The following RBM39 variants were observed in gnomAD, a reference collection of about 807,000 sequenced individuals.
RBM39 encodes RNA binding motif protein 39, also known as RNA-binding protein 39.
In RBM39, 12 loss-of-function variants were observed where a neutral mutation model predicts 79.6. That is an observed-to-expected ratio of 0.15 (90% confidence interval 0.10 to 0.24). The LOEUF (loss-of-function observed/expected upper bound fraction) is 0.24, where lower values mean the gene tolerates loss of function less well. Ranked by LOEUF, RBM39 falls within the 10% of genes least tolerant of loss-of-function variation. The probability of loss-of-function intolerance (pLI) is 1.00; values close to 1 mark genes in which losing one functional copy is unlikely to be tolerated. For synonymous variants in RBM39, 185 were observed against 208.4 expected (o/e 0.89, Z 0.97); for missense variants, 243 against 653.4 (o/e 0.37, Z 6.85).
At chr20:35,728,550 G>A (rs538379218) in intron 6 of RBM39, among the ~76,000 whole-genome samples, 1 of 152,156 alleles carries the variant, frequency 6.6e-6, no homozygotes, top group East Asian at 1.9e-4. Flanking sequence ...AGGCTGAGGA[G>A]GGCAGATCAT....
Position 35,724,551 on chromosome 20 carries a change from TAACC to T in RBM39, c.687+15_687+18del. On this transcript the variant is annotated intron_variant, in intron 8 of 16. Coordinates refer to ENST00000253363, the MANE Select transcript of RBM39 (RefSeq NM_184234.3). ...TCAACACCACCAATAATCAAACTCT[TAACC>T]AACAAAAAAATTACCTGTGATGCCT... The T allele has an allele frequency of 3.1e-6, 5 of 1,612,518 alleles. No individual in the cohort carries two copies. The highest frequency in any genetic ancestry group is 4.2e-6 in the Non-Finnish European group (5 of 1,179,018).
intron 3 of RBM39, among the ~76,000 whole-genome samples, chr20:35,735,931 C>G (rs1415299329): frequency 1.3e-5 from 2 of 152,116 alleles, no homozygotes; most frequent in Non-Finnish European, 2.9e-5. Flanking sequence ...GCTCAGCTTC[C>G]TTGTAAAAGC....
intron 14 of RBM39, 93 bp downstream of exon 14, chr20:35,707,027 T>TAAAGA (rs2035823546): frequency 6.8e-6 from 1 of 147,056 alleles, no homozygotes; most frequent in Non-Finnish European, 1.2e-5. Context: ...AACTCCATCT[T>TAAAGA]AAAAAAAAAA....
intron 1 of RBM39, 135 bp from the exon 2 acceptor site, chr20:35,741,022 A>ACATT: frequency 1.1e-5 from 1 of 91,700 alleles, no homozygotes; most frequent in Non-Finnish European, 2.1e-5. Flanking sequence ...CCGTGAGTAA[A>ACATT]CATTTTTCTT....
chr20:35,736,013 C>T (rs571835863), intron 3 of RBM39, among the ~76,000 whole-genome samples: 5 of 152,130 alleles, frequency 3.3e-5, no homozygotes, highest in African/African-American at 2.4e-5. Flanking sequence ...TGGCAAAAAG[C>T]GACATGAGAC....
At chr20:35,704,852 A>G (rs2035527564) in intron 15 of RBM39, 106 bp from the exon 16 acceptor site, 1 of 893,146 alleles carries the variant, frequency 1.1e-6, no homozygotes, top group African/African-American at 1.7e-5. Flanking sequence ...TATAACCACA[A>G]ACTGGTTTAC....
intron 3 of RBM39, among the ~76,000 whole-genome samples, chr20:35,733,484 C>T (rs1278269817): frequency 2.0e-5 from 3 of 151,970 alleles, no homozygotes; most frequent in Non-Finnish European, 2.9e-5. Flanking sequence ...TGGCACAGGC[C>T]TGTAGTTCCA....
intron 3 of RBM39, among the ~76,000 whole-genome samples, chr20:35,735,306 C>T (rs925377685): frequency 1.9e-4 from 29 of 152,180 alleles, no homozygotes; most frequent in African/African-American, 7.0e-4. Context: ...AGGATGCATA[C>T]CTTGACATAT....
At chr20:35,730,660 A>G (rs1006042023) in intron 4 of RBM39, among the ~76,000 whole-genome samples, 11 of 152,096 alleles carry the variant, frequency 7.2e-5, no homozygotes, top group Non-Finnish European at 1.6e-4. Flanking sequence ...CCCAGCAAAC[A>G]AAGTATCCAT....
intron 12 of RBM39, among the ~76,000 whole-genome samples, 153 bp downstream of exon 12, chr20:35,712,866 G>A (rs1158254803): frequency 6.6e-6 from 1 of 152,096 alleles, no homozygotes; most frequent in Non-Finnish European, 1.5e-5. Context: ...TCTACCCTAT[G>A]TCTCCACTTC....
At chr20:35,719,646 C>T (rs2037648743) in intron 9 of RBM39, among the ~76,000 whole-genome samples, 1 of 152,064 alleles carries the variant, frequency 6.6e-6, no homozygotes, top group Admixed American at 6.6e-5. Context: ...CACTGCACTC[C>T]AGCCTAGGCG....
chr20:35,718,375 C>T (rs2146572298), intron 9 of RBM39, among the ~76,000 whole-genome samples: 1 of 151,962 alleles, frequency 6.6e-6, no homozygotes, highest in South Asian at 2.1e-4. Flanking sequence ...GGAGCATTAG[C>T]TAGCAAAAAG....
At position 35,704,779 on chromosome 20, in the gene RBM39, T is replaced by A. The variant is rs1259355920; in HGVS notation, c.1414-33A>T. On this transcript the variant is annotated intron_variant, in intron 15 of 16. Transcript: ENST00000253363. ...AAAAATGAAAAAAAAGGTAAAGATG[T>A]TGCTGTATGCAAAATGGACCCAAGT... The A allele has an allele frequency of 1.9e-6, 3 of 1,591,932 alleles. No homozygotes were observed. In the Admixed American group the frequency reaches 5.1e-5, roughly 27 times the overall value.
intron 6 of RBM39, among the ~76,000 whole-genome samples, chr20:35,726,050 G>T (rs1277598458): frequency 4.6e-5 from 7 of 152,166 alleles, no homozygotes; most frequent in African/African-American, 1.7e-4. Context: ...AAAAACTAAG[G>T]TTTACTGTTT....
intron 14 of RBM39, 105 bp downstream of exon 14, chr20:35,707,015 G>A (rs182483728): frequency 1.0e-3 from 502 of 494,862 alleles, no homozygotes; most frequent in Admixed American, 1.9e-3. Context: ...CAACAAGAGC[G>A]AAACTCCATC....
chr20:35,709,159 A>C, intron 13 of RBM39, 65 bp downstream of exon 13: 1 of 1,397,672 alleles, frequency 7.2e-7, no homozygotes, highest in Non-Finnish European at 9.8e-7. Flanking sequence ...AATATAGAAA[A>C]CTGTCTTACT....
At chr20:35,717,151 A>G (rs1039793815) in intron 9 of RBM39, among the ~76,000 whole-genome samples, 2 of 152,210 alleles carry the variant, frequency 1.3e-5, no homozygotes, top group South Asian at 2.1e-4. Context: ...TTGGTGGCGC[A>G]TGCCTGTACG....
At chr20:35,720,765 C>A (rs1179358384) in intron 9 of RBM39, among the ~76,000 whole-genome samples, 2 of 152,116 alleles carry the variant, frequency 1.3e-5, no homozygotes, top group African/African-American at 4.8e-5. Flanking sequence ...GAATAAGACT[C>A]TGTCTCAAAA....
chr20:35,739,456 T>C (rs1359679469), intron 2 of RBM39: 3 of 471,206 alleles, frequency 6.4e-6, no homozygotes, highest in African/African-American at 2.0e-5. Flanking sequence ...ATCGATTTCC[T>C]GTGACCGATG....
Sources: allele counts gnomAD v4.1 joint callset (sites outside exome capture counted in the v4.1 genomes callset), GRCh38; gene constraint gnomAD v4.1.1; transcripts MANE v1.5; gene names NCBI Gene and HGNC (gene_info 2026-07-23, HGNC 2026-07-21).